The following RTTN variants were observed in gnomAD, a reference collection of about 807,000 sequenced individuals.
RTTN encodes rotatin.
In RTTN, 182 loss-of-function variants were observed where a neutral mutation model predicts 269.2. The ratio of observed to expected loss-of-function variants is 0.68; its 90% CI spans 0.60 to 0.76. RTTN has a LOEUF of 0.76. Ranked by LOEUF, RTTN falls within the 30% of genes least tolerant of loss-of-function variation. The pLI, the probability that RTTN is intolerant of heterozygous loss-of-function variation, is 0.00. For missense variants in RTTN, 2,545 were observed against 2,608.6 expected, an observed-to-expected ratio of 0.98 and a Z score of 0.53; for synonymous variants, 1,006 against 963.5, an observed-to-expected ratio of 1.04 and a Z score of -0.82.
At chr18:70,034,599 GC>G (rs1398691054) in intron 40 of RTTN, among the ~76,000 whole-genome samples, 1 of 152,144 alleles carries the variant, frequency 6.6e-6, no homozygotes, top group African/African-American at 2.4e-5. Flanking sequence ...TACTGAATGG[GC>G]AAAAGCTAGA....
At chr18:70,073,303 G>C (rs1331628827) in intron 34 of RTTN, among the ~76,000 whole-genome samples, 3 of 152,094 alleles carry the variant, frequency 2.0e-5, no homozygotes, top group Admixed American at 2.0e-4. Context: ...ATGCATGAAT[G>C]AAAGGGGAAG....
At position 70,197,737 on chromosome 18, in the gene RTTN, A is replaced by C; in HGVS notation, c.580T>G (p.Ser194Ala). The change falls in exon 6 of 49, where the codon TCT becomes GCT. Residue 194 changes from serine (S) to alanine (A), a missense_variant and splice_region_variant. Physicochemically the swap from Ser to Ala is moderately conservative, Grantham distance 99. Transcript: ENST00000640769. ...DRHVLSSNES[S>A]LRSSNHTLIW... ...AAAGTGTGGTTACTACTTCTTAAAG[A>C]GCTACAAAACATAGCGTTAATCATT... 1 of 1,562,486 alleles carries C rather than the reference A, an allele frequency of 6.4e-7. No homozygotes were observed.
chr18:70,169,217 C>T lies in RTTN; in HGVS notation c.1477-150G>A. 3 of 558,802 alleles carry T rather than the reference C, an allele frequency of 5.4e-6. 1 individual carries two copies. In the South Asian group the frequency reaches 8.4e-5, roughly 16 times the overall value. The allele number at this position is 558,802 out of a possible 1,614,324, so 34.6% of individuals were successfully genotyped here. On this transcript the variant is annotated intron_variant, in intron 11 of 48. Transcript: ENST00000640769. ...CTGAAACTTTTTCCAAAGAAAATCCCATTTCCCAACACATCATCTACCTCT... is the reference window on the plus strand; with the variant it reads ...CTGAAACTTTTTCCAAAGAAAATCCTATTTCCCAACACATCATCTACCTCT...
At position 70,020,674 on chromosome 18, in the gene RTTN, C is replaced by G; in HGVS notation, c.6094G>C (p.Val2032Leu). ...PLENTTVQQM[V>L]FMLLSNLALS... The stretch of plus-strand genomic sequence containing the variant: ...GCCAGGTTTGAAAGAAGCATAAAAA[C>G]CATCTGCTGAACCGTGGTGTTCTCC... The change falls in exon 45 of 49, where the codon GTT becomes CTT. Residue 2032 changes from valine (V) to leucine (L), a missense_variant. Transcript: ENST00000640769. 2 of 1,614,070 alleles carry G rather than the reference C, an allele frequency of 1.2e-6. No homozygotes were observed. The highest frequency in any genetic ancestry group is 1.7e-6 in the Non-Finnish European group (2 of 1,179,936).
chr18:70,148,796 C>A (rs891272942), intron 17 of RTTN, 105 bp downstream of exon 17: 15 of 1,363,718 alleles, frequency 1.1e-5, no homozygotes, highest in Admixed American at 1.9e-5. Context: ...GAATAACACC[C>A]TCCTTAAAAA....
intron 26 of RTTN, among the ~76,000 whole-genome samples, chr18:70,116,899 C>T (rs576882172): frequency 1.7e-5 from 2 of 118,620 alleles, no homozygotes; most frequent in Middle Eastern, 4.1e-3. Context: ...AACAGCCCCA[C>T]ATTTGTGAAC....
At chr18:70,186,962 T>C (rs1008779019) in intron 10 of RTTN, among the ~76,000 whole-genome samples, 1 of 152,106 alleles carries the variant, frequency 6.6e-6, no homozygotes. Context: ...CAAACCCCCA[T>C]GACACAGTTT....
rs2058747507 is a variant in RTTN, at chr18:70,088,039, C to T, written c.4252G>A (p.Val1418Met). The change falls in exon 31 of 49, where the codon GTG (valine) becomes ATG (methionine). Residue 1418 changes from valine to methionine, a missense_variant. Physicochemically the swap from Val to Met is conservative, Grantham distance 21. Coordinates refer to ENST00000640769, the MANE Select transcript of RTTN (RefSeq NM_173630.4). ...GACTGGTCCAGAAGAATGTTCACCA[C>T]AGTTCCCCAGAGCCCACCGGAAATG... ...QNISGGLWGT[V>M]VNILLDQSEC... 6.2e-7 allele frequency: 1 copy of T among 1,613,934 alleles called. No individual in the cohort carries two copies.
At chr18:70,026,027 T>TATA (rs1478127949) in intron 43 of RTTN, among the ~76,000 whole-genome samples, 5 of 152,218 alleles carry the variant, frequency 3.3e-5, no homozygotes, top group African/African-American at 1.2e-4. Context: ...CCTTTCATCT[T>TATA]ATATGTCCTA....
intron 37 of RTTN, 97 bp downstream of exon 37, chr18:70,057,645 G>A (rs1248096742): frequency 8.4e-6 from 7 of 833,484 alleles, no homozygotes; most frequent in South Asian, 4.6e-5. Flanking sequence ...ATTTTGAGAG[G>A]TTTTCATCCT....
intron 9 of RTTN, among the ~76,000 whole-genome samples, chr18:70,190,194 T>C (rs747543142): frequency 2.0e-5 from 3 of 149,458 alleles, no homozygotes; most frequent in African/African-American, 7.4e-5. Context: ...TTGTCACTGC[T>C]CAAATTTAAA....
chr18:70,085,196 C>G (rs2058670901), intron 32 of RTTN, among the ~76,000 whole-genome samples: 1 of 152,142 alleles, frequency 6.6e-6, no homozygotes, highest in Non-Finnish European at 1.5e-5. Flanking sequence ...ATTAATATAA[C>G]TATTAATCCT....
intron 36 of RTTN, among the ~76,000 whole-genome samples, chr18:70,058,803 AT>A (rs1165093770): frequency 1.3e-5 from 2 of 152,134 alleles, no homozygotes; most frequent in Non-Finnish European, 2.9e-5. Context: ...CAGTAAAAAA[AT>A]GATCAATAAA....
intron 28 of RTTN, among the ~76,000 whole-genome samples, chr18:70,104,759 C>T (rs2059275473): frequency 6.6e-6 from 1 of 152,196 alleles, no homozygotes; most frequent in Non-Finnish European, 1.5e-5. Context: ...TGCTGGAGGT[C>T]CACTCCAGAC....
At chr18:70,143,869 T>G (rs1159464205) in intron 18 of RTTN, among the ~76,000 whole-genome samples, 2 of 151,928 alleles carry the variant, frequency 1.3e-5, no homozygotes, top group Non-Finnish European at 2.9e-5. Context: ...TTTTTTTTTT[T>G]GTTTTTTGAG....
rs534369286 is a variant in RTTN at position 70,003,922 on chromosome 18, A to C, written c.*229T>G. 3.6e-5 allele frequency: 13 copies of C among 362,480 alleles called. No individual in the cohort carries two copies. In the South Asian group the frequency reaches 1.4e-3, roughly 39 times the overall value. 22.5% of individuals were successfully genotyped at this position (362,480 alleles called of 1,614,324 possible). A position where few individuals can be genotyped will look rare whatever the true frequency, so the allele number is the denominator to read the frequency against. On this transcript the variant is annotated 3_prime_UTR_variant, in exon 49 of 49. Transcript: ENST00000640769. ...TCCCAGAACTTTCTATGCCTTTTCA[A>C]CAGAAAGGAAAAGGCACAGAAAGTT... is the stretch of plus-strand genomic sequence containing the variant.
At chr18:70,185,842 A>G (rs1018967508) in intron 10 of RTTN, among the ~76,000 whole-genome samples, 7 of 152,156 alleles carry the variant, frequency 4.6e-5, no homozygotes, top group Non-Finnish European at 7.4e-5. Context: ...TAGACGATCA[A>G]TACACAAAAA....
chr18:70,080,280 C>A (rs752028352), intron 32 of RTTN, among the ~76,000 whole-genome samples: 5 of 152,042 alleles, frequency 3.3e-5, no homozygotes, highest in Non-Finnish European at 5.9e-5. Flanking sequence ...ACATCTAGAA[C>A]GCAGATCTTG....
intron 1 of RTTN, 53 bp downstream of exon 1, chr18:70,205,575 C>G: frequency 6.2e-7 from 1 of 1,610,900 alleles, no homozygotes; most frequent in Admixed American, 1.7e-5. Context: ...CCATTCTCAG[C>G]AAGTGGCCAG....
Sources: gnomAD v4.1 joint callset for allele counts (sites outside exome capture counted in the v4.1 genomes callset) on GRCh38, gnomAD v4.1.1 for gene constraint, MANE v1.5 for transcripts, NCBI Gene and HGNC (gene_info 2026-07-23, HGNC 2026-07-21) for gene names.